ACTR3C: variants seen among roughly 807,000 people sequenced by gnomAD.
ACTR3C encodes the protein actin related protein 3C.
ACTR3C carries 18 observed loss-of-function variants against 26.3 expected under a neutral mutation model. The ratio of observed to expected loss-of-function variants is 0.68; its 90% CI spans 0.47 to 1.01. ACTR3C has a LOEUF of 1.01. Ranked by LOEUF, ACTR3C falls within the 50% of genes least tolerant of loss-of-function variation. The pLI, the probability that ACTR3C is intolerant of heterozygous loss-of-function variation, is 0.00. For missense variants in ACTR3C, 184 were observed against 250.7 expected, an observed-to-expected ratio of 0.73 and a Z score of 1.80; for synonymous variants, 55 against 94.5, an observed-to-expected ratio of 0.58 and a Z score of 2.42.
At chr7:150,273,532 G>C (rs1467099817) in intron 6 of ACTR3C, among the ~76,000 whole-genome samples, 1 of 150,894 alleles carries the variant, frequency 6.6e-6, no homozygotes, top group African/African-American at 2.5e-5. Context: ...CTCCCGAAGT[G>C]ATGGGATTAC....
chr7:150,047,222 G>A, the ACTR3C span, among the ~76,000 whole-genome samples: 1 of 151,726 alleles, frequency 6.6e-6, no homozygotes, highest in Non-Finnish European at 1.5e-5. Flanking sequence ...CCCGGAGCAC[G>A]AAATAAATAA....
intron 1 of ACTR3C, among the ~76,000 whole-genome samples, chr7:150,320,302 C>T (rs1797369809): frequency 6.6e-6 from 1 of 152,198 alleles, no homozygotes; most frequent in Non-Finnish European, 1.5e-5. Context: ...AAATGTAATG[C>T]TTGTTTGTGT....
chr7:150,158,065 C>G, the ACTR3C span, among the ~76,000 whole-genome samples: 3 of 152,162 alleles, frequency 2.0e-5, no homozygotes, highest in African/African-American at 7.2e-5. Context: ...AGAAGACATA[C>G]GGAGATGCAA....
At chr7:150,242,010 G>A (rs1169962930), downstream of ACTR3C, among the ~76,000 whole-genome samples, 1 of 152,146 alleles carries the variant, frequency 6.6e-6, no homozygotes, top group Non-Finnish European at 1.5e-5. Context: ...AAGGTCAGGA[G>A]TTCAAAACCA....
At chr7:150,124,907 C>T in the ACTR3C span, among the ~76,000 whole-genome samples, 4 of 152,320 alleles carry the variant, frequency 2.6e-5, no homozygotes, top group South Asian at 2.1e-4. Flanking sequence ...TAAATATTAT[C>T]GTCCCCATCT....
the ACTR3C span, among the ~76,000 whole-genome samples, chr7:150,235,929 A>G: frequency 6.6e-6 from 1 of 151,814 alleles, no homozygotes; most frequent in East Asian, 1.9e-4. Flanking sequence ...ATCTTTCAGT[A>G]GTCCATTCTT....
chr7:150,245,429 T>A (rs1832412267), downstream of ACTR3C: 1 of 152,204 alleles, frequency 6.6e-6, no homozygotes, highest in African/African-American at 2.4e-5. Flanking sequence ...ACTTTGCTGC[T>A]CTGTCATCTC....
the ACTR3C span, among the ~76,000 whole-genome samples, chr7:150,047,148 G>A: frequency 2.0e-5 from 3 of 151,908 alleles, no homozygotes; most frequent in Admixed American, 1.3e-4. Flanking sequence ...AGTAGGAGAG[G>A]AGGGGCACGA....
the ACTR3C span, among the ~76,000 whole-genome samples, chr7:150,129,918 T>G: frequency 3.3e-5 from 5 of 152,194 alleles, no homozygotes; most frequent in African/African-American, 1.2e-4. Flanking sequence ...TTAAACGACC[T>G]GATTTTAAGT....
the ACTR3C span, among the ~76,000 whole-genome samples, chr7:150,050,430 C>T: frequency 6.6e-6 from 1 of 152,108 alleles, no homozygotes; most frequent in South Asian, 2.1e-4. Context: ...TTGTAGGTAA[C>T]TATAATCTAA....
At chr7:150,125,583 G>A in the ACTR3C span, among the ~76,000 whole-genome samples, 411 of 147,740 alleles carry the variant, frequency 2.8e-3, no homozygotes, top group Non-Finnish European at 3.5e-3. Flanking sequence ...TTAAACTAAG[G>A]ATTCTTGCTT....
At chr7:150,291,099 T>C (rs1337282279) in intron 3 of ACTR3C, among the ~76,000 whole-genome samples, 1 of 152,180 alleles carries the variant, frequency 6.6e-6, no homozygotes, top group Non-Finnish European at 1.5e-5. Context: ...TTAAAGTGTG[T>C]GTGTGTGTGC....
At chr7:149,990,210 C>G in the ACTR3C span, among the ~76,000 whole-genome samples, 4 of 152,044 alleles carry the variant, frequency 2.6e-5, no homozygotes, top group African/African-American at 9.7e-5. Context: ...GCTGCCTTCT[C>G]AGGAGAGACA....
chr7:150,150,350 C>T, the ACTR3C span, among the ~76,000 whole-genome samples: 3 of 152,174 alleles, frequency 2.0e-5, no homozygotes, highest in African/African-American at 7.2e-5. Context: ...CTTGATGCCA[C>T]CTTCTGAGAT....
the ACTR3C span, among the ~76,000 whole-genome samples, chr7:150,212,754 A>G: frequency 1.3e-5 from 2 of 152,302 alleles, no homozygotes; most frequent in Admixed American, 6.5e-5. Context: ...CATGATGCCC[A>G]AGTGTCTATC....
At chr7:149,993,852 A>G in the ACTR3C span, among the ~76,000 whole-genome samples, 1 of 152,228 alleles carries the variant, frequency 6.6e-6, no homozygotes, top group Non-Finnish European at 1.5e-5. Context: ...CCCTCAGAGG[A>G]CACCCTGTTC....
At chr7:150,295,444 A>T in intron 1 of ACTR3C, 97 bp from the exon 2 acceptor site, 2 of 1,230,802 alleles carry the variant, frequency 1.6e-6, no homozygotes, top group Non-Finnish European at 2.3e-6. Context: ...GTTAGCGAGG[A>T]CATTATACAA....
chr7:150,130,705 T>C, the ACTR3C span, among the ~76,000 whole-genome samples: 1 of 152,194 alleles, frequency 6.6e-6, no homozygotes, highest in South Asian at 2.1e-4. Flanking sequence ...TTTATTCAAA[T>C]TAGCTAAGAA....
chr7:150,133,568 A>G, the ACTR3C span, among the ~76,000 whole-genome samples: 4 of 152,220 alleles, frequency 2.6e-5, no homozygotes, highest in South Asian at 2.1e-4. Context: ...TATGACCCCA[A>G]CTGCAAATCT....
Sources: allele counts gnomAD v4.1 joint callset (sites outside exome capture counted in the v4.1 genomes callset), GRCh38; gene constraint gnomAD v4.1.1; transcripts MANE v1.5; gene names NCBI Gene and HGNC (gene_info 2026-07-23, HGNC 2026-07-21).